Variants in CFHR3 observed in about 807,000 individuals in gnomAD.
The protein encoded by CFHR3 is complement factor H-related protein 3.
CFHR3 carries 22 observed loss-of-function variants against 36.0 expected under a neutral mutation model. That is an observed-to-expected ratio of 0.61 (90% CI 0.44 to 0.87). The LOEUF is 0.87. CFHR3 is among the 40% of genes least tolerant of loss of function. CFHR3 has a pLI of 0.00. For missense variants in CFHR3, 276 were observed against 401.3 expected (o/e 0.69, Z 2.67); for synonymous variants, 97 against 137.4 (o/e 0.71, Z 2.06).
At chr1:196,788,932 G>C (rs1350940219) in intron 4 of CFHR3, 1 of 1,383,282 alleles carries the variant, frequency 7.2e-7, no homozygotes, top group Non-Finnish European at 9.4e-7. Flanking sequence ...GAGAAAACAA[G>C]TAAAGGAAAA....
In CFHR3 at chr1:196,776,805, TA is replaced by T. The variant is rs1184469159; in HGVS notation, c.58+1866del. Among the ~76,000 whole-genome samples, 2 of 129,800 alleles carry T rather than the reference TA, an allele frequency of 1.5e-5. 1 individual carries two copies. The highest frequency in any genetic ancestry group is 3.2e-5 in the Non-Finnish European group (2 of 63,098). The allele number at this position is 129,800 out of a possible 152,430, so 85.2% of individuals were successfully genotyped here. On this transcript the variant is annotated intron_variant, in intron 1 of 5. Transcript: ENST00000367425. ...AATGTATTAAAAGAATATTAATAAT[TA>T]AAAATAACTTTTTACTTTTTACTCA...
intron 4 of CFHR3, 151 bp downstream of exon 4, chr1:196,788,549 G>C: frequency 8.1e-7 from 1 of 1,234,070 alleles, no homozygotes; most frequent in Non-Finnish European, 1.1e-6. Context: ...GCCAAATTAA[G>C]TCTTTTGCAT....
intron 1 of CFHR3, among the ~76,000 whole-genome samples, chr1:196,777,192 G>T (rs1653755894): frequency 7.3e-6 from 1 of 136,534 alleles, no homozygotes; most frequent in South Asian, 2.6e-4. Context: ...AATGTTCATT[G>T]AATTTGTATT....
rs1204762116 is a variant in CFHR3, at chr1:196,793,093, C to T, written c.797-224C>T. Among the ~76,000 whole-genome samples the T allele has an allele frequency of 3.0e-5, 4 of 134,894 alleles. 1 individual carries two copies. Among genetic ancestry groups the T allele is most frequent in the African/African-American group, 9.5e-5 (3 of 31,668 alleles). 88.5% of individuals were successfully genotyped at this position (134,894 alleles called of 152,430 possible). ...TCTAGAGAAAGACTGCCAGGGTTCA[C>T]GTTTATCACCTCACCTGATGATCTC... On this transcript the variant is annotated intron_variant, in intron 5 of 5. Transcript: ENST00000367425.
In CFHR3 at chr1:196,793,270, C is replaced by T. The variant is rs774466562; in HGVS notation, c.797-47C>T. 2 of 1,429,162 alleles carry T rather than the reference C, an allele frequency of 1.4e-6. 1 individual carries two copies. The highest frequency in any genetic ancestry group is 1.9e-6 in the Non-Finnish European group (2 of 1,059,310). 88.5% of individuals were successfully genotyped at this position (1,429,162 alleles called of 1,614,324 possible). ...CTCATTAGGATGCATTTTATTTGCT[C>T]ATGAAAGAGAAAATTATGATTGTTA... On this transcript the variant is annotated intron_variant, in intron 5 of 5. Coordinates refer to ENST00000367425, the MANE Select transcript of CFHR3 (RefSeq NM_021023.6).
In CFHR3 at chr1:196,782,159, T is replaced by C. The variant is rs1196222333; in HGVS notation, c.430+2186T>C. ...AGGGCTCTGTTCTGTTCCATTGATC[T>C]ATATCTCTGTTTTGGTAGCAGTACC... On this transcript the variant is annotated intron_variant, in intron 3 of 5. Coordinates refer to ENST00000367425, the MANE Select transcript of CFHR3 (RefSeq NM_021023.6). 9.5e-5 allele frequency among the ~76,000 whole-genome samples: 13 copies of C among 137,462 alleles called. 3 individuals carry two copies. The highest frequency in any genetic ancestry group is 3.9e-4 in the African/African-American group (13 of 32,978). 90.2% of individuals were successfully genotyped at this position (137,462 alleles called of 152,430 possible). A position where few individuals can be genotyped will look rare whatever the true frequency, so the allele number is the denominator to read the frequency against.
At chr1:196,780,169 C>G (rs1653888999) in intron 3 of CFHR3, among the ~76,000 whole-genome samples, 196 bp downstream of exon 3, 1 of 137,292 alleles carries the variant, frequency 7.3e-6, no homozygotes, top group Admixed American at 7.0e-5. Flanking sequence ...ATAAATGCTC[C>G]TATTAATGGG....
At chr1:196,777,982 T>TTA (rs1558195932) in intron 1 of CFHR3, among the ~76,000 whole-genome samples, 2 of 89,870 alleles carry the variant, frequency 2.2e-5, no homozygotes, top group East Asian at 2.3e-4. Flanking sequence ...ACAAGACTGT[T>TTA]AAAAAAAAAA....
At position 196,783,286 on chromosome 1, in the gene CFHR3, T is replaced by C. The variant is rs369274350; in HGVS notation, c.430+3313T>C. On this transcript the variant is annotated intron_variant, in intron 3 of 5. Coordinates refer to ENST00000367425, the MANE Select transcript of CFHR3 (RefSeq NM_021023.6). Reference sequence around the variant, plus strand: ...TATCTTTTTTGGTTGTGTCTCTGCCTGGCTTTGGTATCAGGATGATGCTGG... The same window carrying C: ...TATCTTTTTTGGTTGTGTCTCTGCCCGGCTTTGGTATCAGGATGATGCTGG... Among the ~76,000 whole-genome samples the C allele has an allele frequency of 8.1e-5, 11 of 136,140 alleles. 2 individuals carry two copies. The highest frequency in any genetic ancestry group is 4.3e-4 in the Admixed American group (6 of 14,102). 89.3% of individuals were successfully genotyped at this position (136,140 alleles called of 152,430 possible). A position where few individuals can be genotyped will look rare whatever the true frequency, so the allele number is the denominator to read the frequency against.
rs1653866046 is a variant in CFHR3, at chr1:196,779,677, C to A, written c.254-120C>A. On this transcript the variant is annotated intron_variant, in intron 2 of 5. Coordinates refer to ENST00000367425, the MANE Select transcript of CFHR3 (RefSeq NM_021023.6). ...TAATTTTGGTTCATACTAAGTTGTACATTATTTTTGGATGTTTATGCGATC... is the reference window on the plus strand; with the variant it reads ...TAATTTTGGTTCATACTAAGTTGTAAATTATTTTTGGATGTTTATGCGATC... 3.0e-5 allele frequency: 38 copies of A among 1,275,492 alleles called. 6 individuals carry two copies. In the South Asian group the frequency reaches 6.5e-4, roughly 22 times the overall value. The allele number at this position is 1,275,492 out of a possible 1,614,324, so 79.0% of individuals were successfully genotyped here.
Position 196,786,846 on chromosome 1 carries a change from G to A in CFHR3, c.431-1370G>A, listed in dbSNP as rs924323896. ...CCCACTGTCTGGCACTCCCTAGTGA[G>A]ATGAACCCAGAACCTCAGATGGAAA... is the stretch of plus-strand genomic sequence containing the variant. On this transcript the variant is annotated intron_variant, in intron 3 of 5. Coordinates refer to ENST00000367425, the MANE Select transcript of CFHR3 (RefSeq NM_021023.6). Among the ~76,000 whole-genome samples, 3 of 137,442 alleles carry A rather than the reference G, an allele frequency of 2.2e-5. 1 individual carries two copies. The highest frequency in any genetic ancestry group is 7.8e-3 in the Middle Eastern group (2 of 256). 90.2% of individuals were successfully genotyped at this position (137,442 alleles called of 152,430 possible).
chr1:196,787,195 C>G (rs2124857853), intron 3 of CFHR3, among the ~76,000 whole-genome samples: 1 of 137,208 alleles, frequency 7.3e-6, no homozygotes. Context: ...ATAGCCTAAG[C>G]CCCTGAAAGA....
chr1:196,786,016 T>C (rs1654182062), intron 3 of CFHR3, among the ~76,000 whole-genome samples: 1 of 135,978 alleles, frequency 7.4e-6, no homozygotes, highest in Non-Finnish European at 1.6e-5. Context: ...GTTTTCCTTC[T>C]AACAGACAGG....
At chr1:196,782,932 T>A (rs1654018337) in intron 3 of CFHR3, among the ~76,000 whole-genome samples, 1 of 137,100 alleles carries the variant, frequency 7.3e-6, no homozygotes, top group Admixed American at 7.0e-5. Flanking sequence ...TGATATTGGC[T>A]GTGGGTTTGT....
rs1218461897 is a variant in CFHR3, at chr1:196,778,487, T to C, written c.59-675T>C. Among the ~76,000 whole-genome samples, 11 of 136,692 alleles carry C rather than the reference T, an allele frequency of 8.0e-5. 3 individuals carry two copies. The highest frequency in any genetic ancestry group is 3.4e-4 in the African/African-American group (11 of 32,764). 89.7% of individuals were successfully genotyped at this position (136,692 alleles called of 152,430 possible). On this transcript the variant is annotated intron_variant, in intron 1 of 5. Transcript: ENST00000367425. Reference sequence around the variant, plus strand: ...AAATTATATGCTATTTAAATTATGGTATTGGTCAACATTCTATATGTCTAC... The same window carrying C: ...AAATTATATGCTATTTAAATTATGGCATTGGTCAACATTCTATATGTCTAC...
Position 196,779,315 on chromosome 1 carries a change from A to G in CFHR3, c.212A>G (p.His71Arg), listed in dbSNP as rs1293679159. The G allele has an allele frequency of 9.2e-6, 14 of 1,529,002 alleles. 2 individuals are homozygous for G. The highest frequency in any genetic ancestry group is 1.1e-5 in the Non-Finnish European group (12 of 1,129,888). 94.7% of individuals were successfully genotyped at this position (1,529,002 alleles called of 1,614,324 possible). ...TPSGSYWDYI[H>R]CTQNGWSPAV... is the part of the protein sequence containing the mutation. ...TCAGGAAGTTACTGGGATTACATTC[A>G]TTGCACACAAAATGGGTGGTCACCA... The change falls in exon 2 of 6, where the codon CAT becomes CGT. Residue 71 changes from histidine (H) to arginine (R), a missense_variant. His to Arg is a conservative substitution (Grantham distance 29, BLOSUM62 0). Transcript: ENST00000367425.
At position 196,779,805 on chromosome 1, in the gene CFHR3, T is replaced by G; in HGVS notation, c.262T>G (p.Tyr88Asp). 1 of 1,522,940 alleles carries G rather than the reference T, an allele frequency of 6.6e-7. No homozygotes were observed. Among genetic ancestry groups the G allele is most frequent in the South Asian group, 1.3e-5 (1 of 79,214 alleles). 94.3% of individuals were successfully genotyped at this position (1,522,940 alleles called of 1,614,324 possible). A position where few individuals can be genotyped will look rare whatever the true frequency, so the allele number is the denominator to read the frequency against. ...CATTGCTATGTCCTTAGGAAAATGT[T>G]ATTTTCCTTATTTGGAAAATGGATA... is the stretch of plus-strand genomic sequence containing the variant. The part of the protein sequence containing the change: ...SPAVPCLRKC[Y>D]FPYLENGYNQ... The change falls in exon 3 of 6, where the codon TAT becomes GAT. Residue 88 changes from tyrosine (Y) to aspartate (D), a missense_variant. Physicochemically the swap from Tyr to Asp is radical, Grantham distance 160. Coordinates refer to ENST00000367425, the MANE Select transcript of CFHR3 (RefSeq NM_021023.6).
intron 5 of CFHR3, among the ~76,000 whole-genome samples, chr1:196,791,463 G>C (rs115894329): frequency 8.2e-6 from 1 of 121,646 alleles, no homozygotes; most frequent in Non-Finnish European, 1.7e-5. Flanking sequence ...CTCTTAAACT[G>C]TAAGTTCATG....
rs186839409 is a variant in CFHR3 at position 196,774,941 on chromosome 1, C to G, written c.55C>G (p.Gln19Glu). ...LTLWVSCANG[Q>E]VKPCDFPDIK... ...CTTGTGGGTTTCCTGTGCTAATGGA[C>G]AAGGTAAGTTAAAAGAGATCTAAAC... Residue 19 changes from glutamine (Q) to glutamate (E), a missense_variant, in exon 1 of 6, where the codon CAA (glutamine) becomes GAA (glutamate). Gln to Glu is a conservative substitution (Grantham distance 29). This residue lies in a region of CFHR3 where 178 missense variants were observed against 247.2 expected (regional missense o/e 0.72). Coordinates refer to ENST00000367425, the MANE Select transcript of CFHR3 (RefSeq NM_021023.6). 8.5e-6 allele frequency: 13 copies of G among 1,526,158 alleles called. 1 individual carries two copies. Among genetic ancestry groups the G allele is most frequent in the Non-Finnish European group, 1.2e-5 (13 of 1,127,840 alleles). 94.5% of individuals were successfully genotyped at this position (1,526,158 alleles called of 1,614,324 possible).
Sources: gnomAD v4.1 joint callset for allele counts (sites outside exome capture counted in the v4.1 genomes callset) on GRCh38, gnomAD v4.1.1 for gene constraint, gnomAD v4.1.1 regional missense constraint, MANE v1.5 for transcripts, NCBI Gene and HGNC (gene_info 2026-07-23, HGNC 2026-07-21) for gene names.